Variants in IFT122 observed in about 807,000 individuals in gnomAD.
The protein encoded by IFT122 is intraflagellar transport protein 122 homolog.
A neutral mutation model predicts 161.6 loss-of-function variants in IFT122; 118 were observed. The observed-to-expected ratio is 0.73, with a 90% CI of 0.63 to 0.85. The LOEUF (loss-of-function observed/expected upper bound fraction) is 0.85, where lower values mean the gene tolerates loss of function less well. Ranked by LOEUF, IFT122 falls within the 40% of genes least tolerant of loss-of-function variation. The probability of loss-of-function intolerance (pLI) is 0.00; values close to 1 mark genes in which losing one functional copy is unlikely to be tolerated. For synonymous variants in IFT122, 550 were observed against 602.4 expected (o/e 0.91, Z 1.27); for missense variants, 1,381 against 1,579.6 (o/e 0.87, Z 2.13).
rs1475273459 is a variant in IFT122 at position 129,442,505 on chromosome 3, A to G, written c.41+2134A>G. Among the ~76,000 whole-genome samples the G allele has an allele frequency of 2.6e-5, 4 of 152,158 alleles. No individual in the cohort carries two copies. In the East Asian group the frequency reaches 5.8e-4, roughly 22 times the overall value. The stretch of plus-strand genomic sequence containing the variant: ...TTAGGATAAGGGATGTAGGGGTTCT[A>G]TAGACCATCAATCCTGATGGCTGCT... On this transcript the variant is annotated intron_variant, in intron 1 of 29. Coordinates refer to ENST00000348417, the MANE Select transcript of IFT122 (RefSeq NM_052989.3).
intron 14 of IFT122, among the ~76,000 whole-genome samples, 188 bp from the exon 15 acceptor site, chr3:129,483,297 G>A (rs2078890774): frequency 6.6e-6 from 1 of 151,940 alleles, no homozygotes; most frequent in Non-Finnish European, 1.5e-5. Context: ...TGCATGGAGG[G>A]GCTTGCCTCT....
At chr3:129,476,935 G>GTA in intron 11 of IFT122, 134 bp downstream of exon 11, 2 of 883,270 alleles carry the variant, frequency 2.3e-6, no homozygotes, top group Non-Finnish European at 3.4e-6. Flanking sequence ...CTGGGTCTGT[G>GTA]TCTTGTTTTC....
intron 16 of IFT122, among the ~76,000 whole-genome samples, chr3:129,490,679 T>C (rs2079969836): frequency 6.6e-6 from 1 of 152,204 alleles, no homozygotes; most frequent in African/African-American, 2.4e-5. Flanking sequence ...GAGCGAGGAC[T>C]CAGACCTCGA....
At position 129,440,315 on chromosome 3, in the gene IFT122, C is replaced by T; in HGVS notation, c.-16C>T. ...TGAGGCGGGTAGGAGGAGCCCGAGC[C>T]GTAAGGGAAGCCGTGATGAGGGCCG... is the stretch of plus-strand genomic sequence containing the variant. On this transcript the variant is annotated 5_prime_UTR_variant, in exon 1 of 30. Transcript: ENST00000348417. The T allele has an allele frequency of 6.4e-7, 1 of 1,550,686 alleles. No individual in the cohort carries two copies. Among genetic ancestry groups the T allele is most frequent in the South Asian group, 1.2e-5 (1 of 84,004 alleles).
chr3:129,475,842 G>A (rs1052707288), intron 9 of IFT122, among the ~76,000 whole-genome samples: 1 of 152,160 alleles, frequency 6.6e-6, no homozygotes. Flanking sequence ...AAAATGAAGA[G>A]AAGTAGTATG....
At chr3:129,493,567 G>A (rs1227250803) in intron 17 of IFT122, among the ~76,000 whole-genome samples, 3 of 152,216 alleles carry the variant, frequency 2.0e-5, no homozygotes, top group African/African-American at 7.2e-5. Flanking sequence ...CCAAAAACTT[G>A]GTGGAATTCA....
chr3:129,462,481 A>G (rs1018622460), intron 5 of IFT122, among the ~76,000 whole-genome samples: 1 of 152,182 alleles, frequency 6.6e-6, no homozygotes, highest in Admixed American at 6.5e-5. Context: ...TAAGTGGAGG[A>G]ACCAGGGCTT....
In IFT122 at chr3:129,517,570, A is replaced by T; in HGVS notation, c.3367A>T (p.Arg1123Ter). 6.2e-7 allele frequency: 1 copy of T among 1,613,792 alleles called. No individual in the cohort carries two copies. Among genetic ancestry groups the T allele is most frequent in the Non-Finnish European group, 8.5e-7 (1 of 1,179,766 alleles). The change falls in exon 27 of 30, where the codon AGA (arginine) becomes TGA (stop). Residue 1123 changes from arginine to a stop codon, truncating the protein, a stop_gained. Transcript: ENST00000348417. LOFTEE classifies it high-confidence loss of function. Reference protein sequence around the residue: ...LEVLRPKRDDRQLEIANNSSQ... With the variant: ...LEVLRPKRDD ...GGTGCTGAGACCCAAGCGGGATGAC[A>T]GACAGCTAGAGATTGCAAACAACAG...
chr3:129,495,802 G>T (rs1354064961), intron 18 of IFT122, among the ~76,000 whole-genome samples, 195 bp downstream of exon 18: 3 of 152,210 alleles, frequency 2.0e-5, no homozygotes, highest in Non-Finnish European at 2.9e-5. Context: ...TGACCTTTAA[G>T]GCTGACACCA....
At chr3:129,458,717 T>G (rs376819101) in intron 4 of IFT122, 40 bp downstream of exon 4, 1 of 1,400,720 alleles carries the variant, frequency 7.1e-7, no homozygotes, top group Non-Finnish European at 1.0e-6. Context: ...GTTTGATGCT[T>G]ATTGAATAAT....
chr3:129,481,013 C>G (rs944544587), intron 13 of IFT122, among the ~76,000 whole-genome samples: 3 of 152,244 alleles, frequency 2.0e-5, no homozygotes, highest in African/African-American at 7.2e-5. Flanking sequence ...ATGATTATAC[C>G]TGTGAATAGC....
At position 129,469,434 on chromosome 3, in the gene IFT122, A is replaced by G; in HGVS notation, c.816+17A>G. On this transcript the variant is annotated intron_variant, in intron 9 of 29. Coordinates refer to ENST00000348417, the MANE Select transcript of IFT122 (RefSeq NM_052989.3). Reference sequence around the variant, plus strand: ...GGAAAACAGGTATGTAGCCCTGTACAAATCCAATTGCAGTCATGCCTGTTA... The same window carrying G: ...GGAAAACAGGTATGTAGCCCTGTACGAATCCAATTGCAGTCATGCCTGTTA... The G allele has an allele frequency of 6.3e-7, 1 of 1,585,546 alleles. No individual in the cohort carries two copies. Among genetic ancestry groups the G allele is most frequent in the Non-Finnish European group, 8.7e-7 (1 of 1,154,242 alleles).
In IFT122 at chr3:129,514,554, G is replaced by A. The variant is rs780789530; in HGVS notation, c.3153G>A (p.Glu1051=). 1.9e-6 allele frequency: 3 copies of A among 1,614,192 alleles called. No homozygotes were observed. In the South Asian group the frequency reaches 3.3e-5, roughly 18 times the overall value. The change falls in exon 25 of 30, where the codon GAG becomes GAA. Residue 1051 remains glutamate (E), a splice_region_variant and synonymous_variant. Transcript: ENST00000348417. ...GCGCCAAGCCCTTCCACGACAGTGA[G>A]GTGAGGATGCAGCACCCTTGGGCAG... is the stretch of plus-strand genomic sequence containing the variant. ...TIRAKPFHDS[E]ELVPLCYRCS... is the part of the protein sequence containing the mutation.
At chr3:129,453,017 C>G (rs1383699239) in intron 3 of IFT122, among the ~76,000 whole-genome samples, 1 of 151,966 alleles carries the variant, frequency 6.6e-6, no homozygotes, top group African/African-American at 2.4e-5. Flanking sequence ...TGGAGTTGCC[C>G]CCCCCACTGA....
chr3:129,447,138 C>G (rs1282560859), intron 1 of IFT122, among the ~76,000 whole-genome samples: 1 of 152,098 alleles, frequency 6.6e-6, no homozygotes, highest in African/African-American at 2.4e-5. Flanking sequence ...CAAGAAGAGT[C>G]AAACTGCAAA....
chr3:129,485,426 A>G (rs1039741538), intron 15 of IFT122, among the ~76,000 whole-genome samples: 7 of 152,230 alleles, frequency 4.6e-5, no homozygotes, highest in African/African-American at 1.7e-4. Flanking sequence ...CAGCTATTCA[A>G]GAAATGTTAG....
chr3:129,490,032 A>AT (rs1186890197), intron 16 of IFT122, among the ~76,000 whole-genome samples: 1 of 151,716 alleles, frequency 6.6e-6, no homozygotes, highest in Non-Finnish European at 1.5e-5. Flanking sequence ...ATTTTTATAT[A>AT]TTTGTTTAAA....
At chr3:129,442,663 G>C (rs2073394477) in intron 1 of IFT122, among the ~76,000 whole-genome samples, 2 of 151,628 alleles carry the variant, frequency 1.3e-5, no homozygotes, top group Middle Eastern at 3.2e-3. Flanking sequence ...TTGTCTCCCG[G>C]TCTGCTCCTT....
At position 129,512,313 on chromosome 3, in the gene IFT122, A is replaced by G. The variant is rs369704793; in HGVS notation, c.2888A>G (p.Glu963Gly). ...CTGTTTGCTTTTCTCTCACTGCAGG[A>G]AGATCCGTTCAGTGTCCATCGTCCT... ...HGYHAIHRHT[E>G]DPFSVHRPET... Residue 963 changes from glutamate (E) to glycine (G), a missense_variant and splice_region_variant, in exon 24 of 30, where the codon GAA (glutamate) becomes GGA (glycine). Around this residue, in one of 7 missense-constraint regions of IFT122, gnomAD observed 496 missense variants for 502.5 expected, o/e 0.99. Transcript: ENST00000348417. The G allele has an allele frequency of 8.1e-6, 13 of 1,611,678 alleles. No individual in the cohort carries two copies. The highest frequency in any genetic ancestry group is 9.3e-6 in the Non-Finnish European group (11 of 1,177,882).
Sources: allele counts gnomAD v4.1 joint callset (sites outside exome capture counted in the v4.1 genomes callset), GRCh38; gene constraint gnomAD v4.1.1; regional missense constraint gnomAD v4.1.1; transcripts MANE v1.5; gene names NCBI Gene and HGNC (gene_info 2026-07-23, HGNC 2026-07-21).